Variants in NEK7 observed in about 807,000 individuals in gnomAD.
NEK7 encodes NIMA related kinase 7.
In NEK7, 18 loss-of-function variants were observed where a neutral mutation model predicts 44.6. That is an observed-to-expected ratio of 0.40 (90% CI 0.28 to 0.60). The LOEUF is 0.60. NEK7 is among the 20% of genes least tolerant of loss of function. The probability of loss-of-function intolerance (pLI) is 0.38; values close to 1 mark genes in which losing one functional copy is unlikely to be tolerated. For missense variants in NEK7, 256 were observed against 366.5 expected, an observed-to-expected ratio of 0.70 and a Z score of 2.46; for synonymous variants, 130 against 121.1, an observed-to-expected ratio of 1.07 and a Z score of -0.48.
chr1:198,273,705 A>G (rs765784139), intron 5 of NEK7, among the ~76,000 whole-genome samples: 2 of 151,764 alleles, frequency 1.3e-5, no homozygotes, highest in Non-Finnish European at 3.0e-5. Context: ...AAATGGACCA[A>G]TAGGGATCTC....
Position 198,292,987 on chromosome 1 carries a change from A to G in NEK7, c.632A>G (p.Asn211Ser). The stretch of plus-strand genomic sequence containing the variant: ...ATGTCTCCAGAGAGAATACATGAAA[A>G]TGGATACAACTTCAAATCTGACATC... Reference protein sequence around the residue: ...YYMSPERIHENGYNFKSDIWS... With the variant: ...YYMSPERIHESGYNFKSDIWS... Residue 211 changes from asparagine to serine, a missense_variant, in exon 8 of 10, where the codon AAT becomes AGT. Around this residue, in one of 3 missense-constraint regions of NEK7, gnomAD observed 102 missense variants for 205.2 expected, o/e 0.50. Transcript: ENST00000367385. The G allele has an allele frequency of 6.2e-7, 1 of 1,603,998 alleles. No individual in the cohort carries two copies. The highest frequency in any genetic ancestry group is 1.3e-5 in the African/African-American group (1 of 74,826).
intron 9 of NEK7, among the ~76,000 whole-genome samples, chr1:198,315,767 T>C (rs1655351319): frequency 6.6e-6 from 1 of 152,204 alleles, no homozygotes; most frequent in Non-Finnish European, 1.5e-5. Flanking sequence ...GGAGGTGCTG[T>C]TAGGAAGAGC....
At chr1:198,293,318 G>C (rs1172339644) in intron 8 of NEK7, among the ~76,000 whole-genome samples, 1 of 151,778 alleles carries the variant, frequency 6.6e-6, no homozygotes, top group African/African-American at 2.4e-5. Context: ...TCTTGCATTT[G>C]TAAAAATATA....
chr1:198,294,912 A>G (rs1654665700), intron 8 of NEK7, among the ~76,000 whole-genome samples: 2 of 152,096 alleles, frequency 1.3e-5, no homozygotes, highest in Non-Finnish European at 2.9e-5. Flanking sequence ...GTTGTGTTTC[A>G]ATGTACTGTT....
At chr1:198,259,911 C>G (rs1289892249) in intron 3 of NEK7, among the ~76,000 whole-genome samples, 1 of 152,100 alleles carries the variant, frequency 6.6e-6, no homozygotes, top group African/African-American at 2.4e-5. Context: ...ATGCTCACCC[C>G]CATTAAGGTT....
intron 1 of NEK7, among the ~76,000 whole-genome samples, chr1:198,218,064 A>G (rs1373306830): frequency 1.3e-5 from 2 of 152,074 alleles, no homozygotes; most frequent in Non-Finnish European, 2.9e-5. Context: ...CAGAATTAGG[A>G]AAAACAATCC....
At chr1:198,312,395 G>T (rs1205692990) in intron 9 of NEK7, among the ~76,000 whole-genome samples, 2 of 151,156 alleles carry the variant, frequency 1.3e-5, no homozygotes, top group African/African-American at 4.9e-5. Context: ...ACCAGCTCCT[G>T]GATTCATTAA....
At chr1:198,252,566 A>ATATATG (rs1349132226) in intron 2 of NEK7, among the ~76,000 whole-genome samples, 1 of 52,520 alleles carries the variant, frequency 1.9e-5, no homozygotes, top group Non-Finnish European at 3.0e-5. Flanking sequence ...ATATATATAT[A>ATATATG]TAAAAAGTAC....
rs1230498271 is a variant in NEK7 at position 198,174,770 on chromosome 1, T to TG, written c.-29+17502dup. Among the ~76,000 whole-genome samples, 1,173 of 151,500 alleles carry TG rather than the reference T, an allele frequency of 7.7e-3. 11 individuals carry two copies. Among genetic ancestry groups the TG allele is most frequent in the African/African-American group, 0.02 (805 of 41,202 alleles). On this transcript the variant is annotated intron_variant, in intron 1 of 9. Coordinates refer to ENST00000367385, the MANE Select transcript of NEK7 (RefSeq NM_133494.3). ...TGTTTTTGTTTTTTGTTGTTTTTTT[T>TG]GGGGGGGGACAGGGTCTTGCTCTGT...
chr1:198,194,512 A>ATGTGTCCGTTGTTTCCCTCTG (rs1665175267), intron 1 of NEK7, among the ~76,000 whole-genome samples: 1 of 151,456 alleles, frequency 6.6e-6, no homozygotes, highest in Admixed American at 6.6e-5. Context: ...GTTTCCCTCT[A>ATGTGTCCGTTGTTTCCCTCTG]TGTGTCCATG....
At chr1:198,252,748 T>C (rs2102925123) in intron 2 of NEK7, among the ~76,000 whole-genome samples, 1 of 151,320 alleles carries the variant, frequency 6.6e-6, no homozygotes, top group Admixed American at 6.6e-5. Flanking sequence ...GTTTTATATA[T>C]TTATTAAAAC....
Position 198,315,602 on chromosome 1 carries a change from A to C in NEK7, c.799-3810A>C, listed in dbSNP as rs373372549. 3.9e-5 allele frequency among the ~76,000 whole-genome samples: 6 copies of C among 152,338 alleles called. No individual in the cohort carries two copies. The East Asian group carries it at 9.7e-4, about 25-fold the overall frequency. ...AAGCAAAGCCGTCAGCTGGAAGACT[A>C]TCCAAGAGTGTGGCAGTGGAGATGG... On this transcript the variant is annotated intron_variant, in intron 9 of 9. Transcript: ENST00000367385.
intron 9 of NEK7, among the ~76,000 whole-genome samples, chr1:198,314,747 G>T (rs1185126492): frequency 6.6e-6 from 1 of 152,198 alleles, no homozygotes; most frequent in Non-Finnish European, 1.5e-5. Context: ...GGCTGCTCAG[G>T]GGTCAGGGGT....
chr1:198,173,056 G>A (rs1028374734), intron 1 of NEK7, among the ~76,000 whole-genome samples: 2 of 152,132 alleles, frequency 1.3e-5, no homozygotes, highest in Admixed American at 6.5e-5. Context: ...GGTGTCATCA[G>A]TAGAGAGACT....
intron 7 of NEK7, 46 bp from the exon 8 acceptor site, chr1:198,292,899 T>C (rs1329924826): frequency 9.6e-7 from 1 of 1,046,462 alleles, no homozygotes; most frequent in Non-Finnish European, 1.5e-6. Context: ...CAGCTGTATC[T>C]TTATTTTTAT....
intron 1 of NEK7, among the ~76,000 whole-genome samples, chr1:198,212,614 C>G (rs962069315): frequency 1.2e-4 from 19 of 152,212 alleles, no homozygotes; most frequent in African/African-American, 4.6e-4. Flanking sequence ...ACTTGCCTGA[C>G]CCAGCCCACA....
intron 9 of NEK7, among the ~76,000 whole-genome samples, chr1:198,314,744 C>T (rs1220327060): frequency 6.6e-6 from 1 of 152,212 alleles, no homozygotes; most frequent in Non-Finnish European, 1.5e-5. Context: ...TTAGGCTGCT[C>T]AGGGGTCAGG....
intron 1 of NEK7, among the ~76,000 whole-genome samples, chr1:198,193,396 A>G (rs1392823794): frequency 2.0e-5 from 3 of 152,224 alleles, no homozygotes; most frequent in Admixed American, 6.5e-5. Context: ...AGGAGCTGGT[A>G]CCATTTCTAC....
chr1:198,224,568 C>T (rs1349084183), intron 1 of NEK7, among the ~76,000 whole-genome samples: 1 of 152,092 alleles, frequency 6.6e-6, no homozygotes, highest in Non-Finnish European at 1.5e-5. Flanking sequence ...GAAACGTTTT[C>T]TATGAGGATA....
Sources: allele counts gnomAD v4.1 joint callset (sites outside exome capture counted in the v4.1 genomes callset), GRCh38; gene constraint gnomAD v4.1.1; regional missense constraint gnomAD v4.1.1; transcripts MANE v1.5; gene names NCBI Gene and HGNC (gene_info 2026-07-23, HGNC 2026-07-21).